The following EIF3J variants were observed in gnomAD, a reference collection of about 807,000 sequenced individuals.
The protein encoded by EIF3J is eukaryotic translation initiation factor 3 subunit J, also known as eukaryotic translation initiation factor 3, subunit 1 (alpha, 35kD).
EIF3J carries 15 observed loss-of-function variants against 39.0 expected under a neutral mutation model. The ratio of observed to expected loss-of-function variants is 0.38; its 90% CI spans 0.26 to 0.59. The LOEUF (loss-of-function observed/expected upper bound fraction) is 0.59, where lower values mean the gene tolerates loss of function less well. Among genes scored for constraint, EIF3J ranks in the 20% least tolerant of loss-of-function variants. The pLI is 0.60. For synonymous variants in EIF3J, 98 were observed against 112.9 expected (o/e 0.87, Z 0.84); for missense variants, 226 against 308.6 (o/e 0.73, Z 2.00).
chr15:44,555,865 A>AT (rs542735310), intron 5 of EIF3J, among the ~76,000 whole-genome samples: 15 of 148,926 alleles, frequency 1.0e-4, no homozygotes, highest in East Asian at 2.0e-4. Context: ...TCTAGGCCAG[A>AT]TTTTTTTTTT....
intron 2 of EIF3J, among the ~76,000 whole-genome samples, chr15:44,540,915 T>C (rs556492495): frequency 6.6e-6 from 1 of 152,370 alleles, no homozygotes; most frequent in South Asian, 2.1e-4. Context: ...CTGATGTTTT[T>C]GTTATTATAA....
intron 2 of EIF3J, among the ~76,000 whole-genome samples, chr15:44,541,070 T>C (rs2140889919): frequency 6.6e-6 from 1 of 152,308 alleles, no homozygotes; most frequent in East Asian, 1.9e-4. Context: ...ACTATGCTTT[T>C]CCCCAGTTAA....
intron 2 of EIF3J, among the ~76,000 whole-genome samples, chr15:44,539,059 T>A (rs1259610555): frequency 6.7e-6 from 1 of 149,292 alleles, no homozygotes; most frequent in Non-Finnish European, 1.5e-5. Context: ...GGAGTTTCGC[T>A]CTTGTTGCCC....
chr15:44,557,375 C>T (rs1399210623), intron 5 of EIF3J, 114 bp from the exon 6 acceptor site: 6 of 723,848 alleles, frequency 8.3e-6, no homozygotes, highest in East Asian at 3.3e-5. Flanking sequence ...AGGTTCAGAG[C>T]CCCTGCTTTA....
At chr15:44,553,170 A>G (rs1595804876) in intron 4 of EIF3J, among the ~76,000 whole-genome samples, 2 of 150,086 alleles carry the variant, frequency 1.3e-5, no homozygotes, top group South Asian at 4.2e-4. Context: ...TAGGTGACAG[A>G]GCAAGATCCT....
In EIF3J at chr15:44,537,252, C is replaced by T. The variant is rs746057249; in HGVS notation, c.43+15C>T. 4.4e-6 allele frequency: 7 copies of T among 1,583,532 alleles called. No homozygotes were observed. Among genetic ancestry groups the T allele is most frequent in the Non-Finnish European group, 6.0e-6 (7 of 1,165,636 alleles). On this transcript the variant is annotated intron_variant, in intron 1 of 7. Coordinates refer to ENST00000261868, the MANE Select transcript of EIF3J (RefSeq NM_003758.4). Reference sequence around the variant, plus strand: ...GGACTCCTGGGGTGAGGAGAAGTTGCTGGGGCAGGGCCCGGGCCGGCGCCG... The same window carrying T: ...GGACTCCTGGGGTGAGGAGAAGTTGTTGGGGCAGGGCCCGGGCCGGCGCCG...
intron 2 of EIF3J, among the ~76,000 whole-genome samples, chr15:44,544,098 CTTT>C (rs10630378): frequency 7.5e-6 from 1 of 134,070 alleles, no homozygotes; most frequent in Non-Finnish European, 1.5e-5. Context: ...CTTTTCTTTT[CTTT>C]TTTTTTTTTT....
intron 7 of EIF3J, 113 bp from the exon 8 acceptor site, chr15:44,560,905 A>C: frequency 7.1e-7 from 1 of 1,406,046 alleles, no homozygotes; most frequent in South Asian, 1.4e-5. Flanking sequence ...CCCTTACAGA[A>C]CTAGTGTTTC....
chr15:44,557,413 G>C, intron 5 of EIF3J, 76 bp from the exon 6 acceptor site: 1 of 1,125,624 alleles, frequency 8.9e-7, no homozygotes. Flanking sequence ...TATTCAGATA[G>C]CTATTGGCTT....
intron 6 of EIF3J, among the ~76,000 whole-genome samples, chr15:44,558,563 T>G (rs1043143579): frequency 6.6e-6 from 1 of 151,714 alleles, no homozygotes; most frequent in African/African-American, 2.4e-5. Context: ...CTCAGACTCC[T>G]GAGTAGCTGG....
rs181538255 is a variant in EIF3J, at chr15:44,543,017, C to G, written c.147+5590C>G. On this transcript the variant is annotated intron_variant, in intron 2 of 7. Transcript: ENST00000261868. ...AATTTTAGCTGTTTCTCTAGGAAGC[C>G]TTTTTACATTTTATCTGAATTTGCT... Among the ~76,000 whole-genome samples, 296 of 152,214 alleles carry G rather than the reference C, an allele frequency of 1.9e-3. 1 individual carries two copies. Among genetic ancestry groups the G allele is most frequent in the African/African-American group, 6.6e-3 (276 of 41,528 alleles).
At chr15:44,542,540 G>T (rs2082021772) in intron 2 of EIF3J, among the ~76,000 whole-genome samples, 1 of 152,150 alleles carries the variant, frequency 6.6e-6, no homozygotes, top group African/African-American at 2.4e-5. Context: ...TGTTCTCATT[G>T]CATGTGACAT....
chr15:44,548,370 G>A (rs1344254487), intron 2 of EIF3J, among the ~76,000 whole-genome samples: 2 of 152,232 alleles, frequency 1.3e-5, no homozygotes, highest in East Asian at 3.9e-4. Flanking sequence ...AGCTGAGATC[G>A]CGCCATTGCA....
chr15:44,540,591 T>C (rs2082006891), intron 2 of EIF3J, among the ~76,000 whole-genome samples: 1 of 151,970 alleles, frequency 6.6e-6, no homozygotes, highest in Admixed American at 6.6e-5. Context: ...TTGAGACAGA[T>C]TTGTGAGACT....
At chr15:44,538,578 G>C (rs1316288459) in intron 2 of EIF3J, among the ~76,000 whole-genome samples, 1 of 152,200 alleles carries the variant, frequency 6.6e-6, no homozygotes, top group Non-Finnish European at 1.5e-5. Flanking sequence ...CCAGTCCGAT[G>C]AGGTTGGATG....
intron 2 of EIF3J, among the ~76,000 whole-genome samples, chr15:44,541,561 G>A (rs1247257445): frequency 6.6e-6 from 1 of 151,380 alleles, no homozygotes; most frequent in Non-Finnish European, 1.5e-5. Flanking sequence ...AGCCTCTCTC[G>A]TCCTACTCAT....
At chr15:44,551,045 C>T (rs1312885777) in intron 3 of EIF3J, 115 bp downstream of exon 3, 2 of 1,433,708 alleles carry the variant, frequency 1.4e-6, no homozygotes, top group Non-Finnish European at 1.8e-6. Context: ...ATTTAGAAAC[C>T]AAGTGTCCTT....
intron 2 of EIF3J, among the ~76,000 whole-genome samples, chr15:44,545,450 T>C (rs1365540827): frequency 6.6e-6 from 1 of 152,194 alleles, no homozygotes; most frequent in Non-Finnish European, 1.5e-5. Flanking sequence ...TTACAGTGAA[T>C]TGAACTCTAC....
intron 2 of EIF3J, 111 bp from the exon 3 acceptor site, chr15:44,550,765 C>A: frequency 1.4e-6 from 1 of 724,312 alleles, no homozygotes; most frequent in Non-Finnish European, 2.4e-6. Context: ...AAATTTAATG[C>A]AGTACAAAAA....
Sources: gnomAD v4.1 joint callset for allele counts (sites outside exome capture counted in the v4.1 genomes callset) on GRCh38, gnomAD v4.1.1 for gene constraint, MANE v1.5 for transcripts, NCBI Gene and HGNC (gene_info 2026-07-23, HGNC 2026-07-21) for gene names.